The following ERBB4 variants were observed in gnomAD, a reference collection of about 807,000 sequenced individuals.
ERBB4 encodes the protein erb-b2 receptor tyrosine kinase 4, also known as receptor tyrosine-protein kinase erbB-4.
In ERBB4, 42 loss-of-function variants were observed where a neutral mutation model predicts 158.0. The ratio of observed to expected loss-of-function variants is 0.27; its 90% CI spans 0.21 to 0.34. The LOEUF is 0.34. ERBB4 is among the 10% of genes least tolerant of loss of function. The probability of loss-of-function intolerance (pLI) is 1.00; values close to 1 mark genes in which losing one functional copy is unlikely to be tolerated. For missense variants in ERBB4, 1,333 were observed against 1,624.1 expected, an observed-to-expected ratio of 0.82 and a Z score of 3.08; for synonymous variants, 583 against 558.7, an observed-to-expected ratio of 1.04 and a Z score of -0.61.
chr2:212,439,058 T>C (rs2092197106), intron 1 of ERBB4, among the ~76,000 whole-genome samples: 1 of 152,128 alleles, frequency 6.6e-6, no homozygotes, highest in Non-Finnish European at 1.5e-5. Context: ...TCTCCAATAA[T>C]CACACTGTTA....
At chr2:211,964,211 T>C (rs1426892078) in intron 2 of ERBB4, among the ~76,000 whole-genome samples, 1 of 152,172 alleles carries the variant, frequency 6.6e-6, no homozygotes, top group Non-Finnish European at 1.5e-5. Context: ...TTAACACAAG[T>C]GACATCAATA....
At chr2:211,642,682 C>T (rs562541711) in intron 16 of ERBB4, among the ~76,000 whole-genome samples, 170 of 152,010 alleles carry the variant, frequency 1.1e-3, no homozygotes, top group Non-Finnish European at 2.2e-3. Context: ...AGTTTATTGT[C>T]TCATGAAAAG....
intron 1 of ERBB4, among the ~76,000 whole-genome samples, chr2:212,399,461 C>G (rs2091127553): frequency 6.7e-6 from 1 of 149,850 alleles, no homozygotes; most frequent in Admixed American, 6.7e-5. Context: ...ATGGTGATCA[C>G]TCAGATTTTG....
intron 19 of ERBB4, among the ~76,000 whole-genome samples, chr2:211,605,039 A>G (rs1266911120): frequency 6.6e-6 from 1 of 152,190 alleles, no homozygotes; most frequent in African/African-American, 2.4e-5. Context: ...CTTATAGTTT[A>G]AAGCTGGATG....
intron 2 of ERBB4, among the ~76,000 whole-genome samples, chr2:212,053,004 A>G (rs2077445098): frequency 1.3e-5 from 2 of 152,128 alleles, no homozygotes; most frequent in South Asian, 2.1e-4. Flanking sequence ...TGGGGTTTCC[A>G]TAACAACTAT....
chr2:211,713,133 T>C (rs1175018168), intron 8 of ERBB4, among the ~76,000 whole-genome samples: 2 of 152,194 alleles, frequency 1.3e-5, no homozygotes, highest in Non-Finnish European at 2.9e-5. Flanking sequence ...GTAAATTTCA[T>C]GCCCCTCTGG....
At chr2:212,003,207 CAGAAAGAA>C (rs1378189614) in intron 2 of ERBB4, among the ~76,000 whole-genome samples, 73 of 39,924 alleles carry the variant, frequency 1.8e-3, no homozygotes, top group African/African-American at 4.9e-3. Flanking sequence ...GAAAGAAAGA[CAGAAAGAA>C]GGAAGGAAGG....
At chr2:211,847,449 T>A (rs2077617095) in intron 3 of ERBB4, among the ~76,000 whole-genome samples, 1 of 152,060 alleles carries the variant, frequency 6.6e-6, no homozygotes, top group South Asian at 2.1e-4. Flanking sequence ...GCAAGAAGAT[T>A]TAAGGTTTCA....
chr2:211,757,361 T>A (rs2075308645), intron 4 of ERBB4, among the ~76,000 whole-genome samples: 1 of 152,188 alleles, frequency 6.6e-6, no homozygotes, highest in African/African-American at 2.4e-5. Flanking sequence ...TAAAAACATT[T>A]ATCGTTGGGA....
intron 2 of ERBB4, among the ~76,000 whole-genome samples, chr2:211,948,764 G>A (rs761886953): frequency 9.4e-4 from 143 of 151,974 alleles, no homozygotes; most frequent in Non-Finnish European, 1.6e-3. Flanking sequence ...ATGCTCCAAG[G>A]CTGTTTTTGG....
chr2:211,936,063 A>C (rs2080314012), intron 3 of ERBB4, among the ~76,000 whole-genome samples: 1 of 152,152 alleles, frequency 6.6e-6, no homozygotes, highest in Non-Finnish European at 1.5e-5. Context: ...AACTAGTAGA[A>C]TTTATTATTG....
At chr2:212,365,525 T>C (rs931432592) in intron 1 of ERBB4, among the ~76,000 whole-genome samples, 1 of 151,824 alleles carries the variant, frequency 6.6e-6, no homozygotes, top group Non-Finnish European at 1.5e-5. Flanking sequence ...CAAACTAAAT[T>C]GACTGTAAGT....
At chr2:212,538,385 G>C in intron 1 of ERBB4, 64 bp downstream of exon 1, 1 of 1,411,356 alleles carries the variant, frequency 7.1e-7, no homozygotes, top group Non-Finnish European at 1.0e-6. Flanking sequence ...GGGCAGGGGA[G>C]CCACTCGAGG....
At chr2:211,460,961 TTTG>T (rs1170124847) in intron 20 of ERBB4, among the ~76,000 whole-genome samples, 12 of 152,168 alleles carry the variant, frequency 7.9e-5, no homozygotes, top group African/African-American at 2.4e-4. Flanking sequence ...TGGTATTTCC[TTTG>T]TTATTTCTTT....
intron 2 of ERBB4, among the ~76,000 whole-genome samples, chr2:211,969,423 T>A (rs560192768): frequency 6.6e-6 from 1 of 152,082 alleles, no homozygotes; most frequent in Admixed American, 6.6e-5. Context: ...TTATGCTAAT[T>A]GTATAGTGAA....
rs371204359 is a variant in ERBB4 at position 212,193,866 on chromosome 2, GT to G, written c.83-68964del. On this transcript the variant is annotated intron_variant, in intron 1 of 27. Transcript: ENST00000342788. ...ATTACAGCTTCAAGGGGCCAGTAAT[GT>G]TTGTGGTAGACTTTCAAGACTGTTG... is the stretch of plus-strand genomic sequence containing the variant. Among the ~76,000 whole-genome samples, 733 of 152,112 alleles carry G rather than the reference GT, an allele frequency of 4.8e-3. 7 individuals carry two copies. The highest frequency in any genetic ancestry group is 0.017 in the Middle Eastern group (5 of 294).
At chr2:211,454,090 T>C (rs1193463054) in intron 20 of ERBB4, among the ~76,000 whole-genome samples, 1 of 152,304 alleles carries the variant, frequency 6.6e-6, no homozygotes, top group African/African-American at 2.4e-5. Context: ...ACTGTATAGA[T>C]TCCCTATGCT....
rs539919464 is a variant in ERBB4 at position 211,479,082 on chromosome 2, G to A, written c.2488-47982C>T. Among the ~76,000 whole-genome samples the A allele has an allele frequency of 3.9e-5, 6 of 152,232 alleles. No homozygotes were observed. The South Asian group carries it at 1.2e-3, about 32-fold the overall frequency. ...CTAACTCAGTGCTTCTCAAACTTGA[G>A]AGTGAATCAGAATCACCTAGGAAAC... is the stretch of plus-strand genomic sequence containing the variant. On this transcript the variant is annotated intron_variant, in intron 20 of 27. Transcript: ENST00000342788.
intron 1 of ERBB4, among the ~76,000 whole-genome samples, chr2:212,129,631 A>T (rs1302944844): frequency 2.0e-5 from 3 of 151,946 alleles, no homozygotes; most frequent in Admixed American, 6.6e-5. Flanking sequence ...AATGGCCCTC[A>T]ACTAAAAAAA....
Sources: gnomAD v4.1 joint callset for allele counts (sites outside exome capture counted in the v4.1 genomes callset) on GRCh38, gnomAD v4.1.1 for gene constraint, MANE v1.5 for transcripts, NCBI Gene and HGNC (gene_info 2026-07-23, HGNC 2026-07-21) for gene names.